Variants in CCL21 observed in about 807,000 individuals in gnomAD.
CCL21 encodes C-C motif chemokine ligand 21.
In CCL21, 12 loss-of-function variants were observed where a neutral mutation model predicts 16.4. That is an observed-to-expected ratio of 0.73 (90% confidence interval 0.47 to 1.18). CCL21 has a LOEUF of 1.18. Ranked by LOEUF, CCL21 falls within the 50% of genes most tolerant of loss-of-function variation. The pLI is 0.00. For missense variants in CCL21, 155 were observed against 163.8 expected (o/e 0.95, Z 0.29); for synonymous variants, 64 against 62.1 (o/e 1.03, Z -0.15).
chr9:34,709,277 A>T lies in CCL21; in HGVS notation c.*117T>A. The T allele has an allele frequency of 8.1e-7, 1 of 1,240,084 alleles. No homozygotes were observed. Among genetic ancestry groups the T allele is most frequent in the Non-Finnish European group, 1.2e-6 (1 of 861,810 alleles). 76.8% of individuals were successfully genotyped at this position (1,240,084 alleles called of 1,614,324 possible). ...GCAGGAGAAAGAGTGTGGCAAGGCC[A>T]GCATGGGGTGGCTGCTCCAGGGCCC... On this transcript the variant is annotated 3_prime_UTR_variant, in exon 4 of 4. Coordinates refer to ENST00000259607, the MANE Select transcript of CCL21 (RefSeq NM_002989.4).
rs568929020 is a variant in CCL21, at chr9:34,709,842, G to A, written c.123C>T (p.Pro41=). 29 of 1,614,178 alleles carry A rather than the reference G, an allele frequency of 1.8e-5. No individual in the cohort carries two copies. Among genetic ancestry groups the A allele is most frequent in the South Asian group, 1.8e-4 (16 of 91,088 alleles). The change falls in exon 2 of 4, where the codon CCC becomes CCT. Residue 41 remains proline (P), a synonymous_variant. Transcript: ENST00000259607. ...TCCGGTAGCTGCGGACAACCTTGGC[G>A]GGAATCTTCCTTTGGCTGTACTTGA... The part of the protein sequence containing the change: ...CCLKYSQRKI[P]AKVVRSYRKQ...
At chr9:34,709,478 C>G in intron 3 of CCL21, 22 bp downstream of exon 3, 2 of 1,613,874 alleles carry the variant, frequency 1.2e-6, no homozygotes, top group Non-Finnish European at 1.7e-6. Context: ...TCCCCTTTAC[C>G]CACATCCCTC....
In CCL21 at chr9:34,709,299, G is replaced by T; in HGVS notation, c.*95C>A. 1 of 1,457,840 alleles carries T rather than the reference G, an allele frequency of 6.9e-7. No homozygotes were observed. Among genetic ancestry groups the T allele is most frequent in the Non-Finnish European group, 9.4e-7 (1 of 1,058,284 alleles). The allele number at this position is 1,457,840 out of a possible 1,614,324, so 90.3% of individuals were successfully genotyped here. On this transcript the variant is annotated 3_prime_UTR_variant, in exon 4 of 4. Coordinates refer to ENST00000259607, the MANE Select transcript of CCL21 (RefSeq NM_002989.4). ...GCCAGCATGGGGTGGCTGCTCCAGGGCCCCTGAGCATAGCCTCCTTCTTGC... is the reference window on the plus strand; with the variant it reads ...GCCAGCATGGGGTGGCTGCTCCAGGTCCCCTGAGCATAGCCTCCTTCTTGC...
intron 2 of CCL21, 29 bp downstream of exon 2, chr9:34,709,748 C>A (rs1821957884): frequency 6.2e-7 from 1 of 1,613,956 alleles, no homozygotes; most frequent in African/African-American, 1.3e-5. Context: ...CCGTCACCAG[C>A]CAGTACCCAC....
Position 34,709,367 on chromosome 9 carries a change from C to T in CCL21, c.*27G>A. On this transcript the variant is annotated 3_prime_UTR_variant, in exon 4 of 4. Transcript: ENST00000259607. ...CAAGCGCTGGTGAGGCTGGTGGGGT[C>T]TCCAGGGCTCCAGGCTGCTCACTGG... 1 of 1,604,606 alleles carries T rather than the reference C, an allele frequency of 6.2e-7. No homozygotes were observed. Among genetic ancestry groups the T allele is most frequent in the Non-Finnish European group, 8.5e-7 (1 of 1,177,894 alleles).
At chr9:34,709,730 T>C (rs950241608) in intron 2 of CCL21, 47 bp downstream of exon 2, 1 of 1,613,410 alleles carries the variant, frequency 6.2e-7, no homozygotes, top group South Asian at 1.1e-5. Flanking sequence ...CACCATGCCC[T>C]CCCCACCCCG....
Position 34,709,691 on chromosome 9 carries a change from G to A in CCL21, c.189-9C>T, listed in dbSNP as rs757666416. On this transcript the variant is annotated splice_polypyrimidine_tract_variant and intron_variant, in intron 2 of 3. Coordinates refer to ENST00000259607, the MANE Select transcript of CCL21 (RefSeq NM_002989.4). ...GCTTGCGGGGCAAGAACCTGCGGGT[G>A]GGGGCTAGTAAGCCTTCTTAGTCTT... 5 of 1,613,550 alleles carry A rather than the reference G, an allele frequency of 3.1e-6. No individual in the cohort carries two copies. Among genetic ancestry groups the A allele is most frequent in the Non-Finnish European group, 4.2e-6 (5 of 1,179,706 alleles).
In CCL21 at chr9:34,709,036, A is replaced by T. The variant is rs1448405026; in HGVS notation, c.*358T>A. 1.4e-5 allele frequency: 4 copies of T among 287,730 alleles called. No homozygotes were observed. The highest frequency in any genetic ancestry group is 1.9e-5 in the Non-Finnish European group (3 of 155,814). The allele number at this position is 287,730 out of a possible 1,614,324, so 17.8% of individuals were successfully genotyped here. A position where few individuals can be genotyped will look rare whatever the true frequency, so the allele number is the denominator to read the frequency against. On this transcript the variant is annotated 3_prime_UTR_variant, in exon 4 of 4. Transcript: ENST00000259607. The stretch of plus-strand genomic sequence containing the variant: ...GGGAAGACAGAACAGCTTTTTATTC[A>T]GTTAGGTATAAATCATATTTACAAG...
chr9:34,709,836 C>G lies in CCL21; in HGVS notation c.129G>C (p.Lys43Asn), dbSNP rs969995486. Reference sequence around the variant, plus strand: ...CCTGCTTCCGGTAGCTGCGGACAACCTTGGCGGGAATCTTCCTTTGGCTGT... The same window carrying G: ...CCTGCTTCCGGTAGCTGCGGACAACGTTGGCGGGAATCTTCCTTTGGCTGT... ...LKYSQRKIPA[K>N]VVRSYRKQEP... Residue 43 changes from lysine (K) to asparagine (N), a missense_variant, in exon 2 of 4, where the codon AAG (lysine) becomes AAC (asparagine). By Grantham distance (94) the Lys-to-Asn change is moderately conservative. Coordinates refer to ENST00000259607, the MANE Select transcript of CCL21 (RefSeq NM_002989.4). The G allele has an allele frequency of 6.2e-7, 1 of 1,614,224 alleles. No individual in the cohort carries two copies. Among genetic ancestry groups the G allele is most frequent in the East Asian group, 2.2e-5 (1 of 44,886 alleles).
At position 34,709,584 on chromosome 9, in the gene CCL21, G is replaced by A; in HGVS notation, c.287C>T (p.Pro96Leu). ...LMQHLDKTPS[P>L]QKPAQGCRKD... ...CCTGCAGCCCTGGGCTGGTTTCTGT[G>A]GGGATGGTGTCTTGTCCAGATGCTG... is the stretch of plus-strand genomic sequence containing the variant. Residue 96 changes from proline to leucine, a missense_variant, in exon 3 of 4, where the codon CCA becomes CTA. Transcript: ENST00000259607. The A allele has an allele frequency of 6.2e-7, 1 of 1,614,170 alleles. No homozygotes were observed. Among genetic ancestry groups the A allele is most frequent in the Non-Finnish European group, 8.5e-7 (1 of 1,180,016 alleles).
Position 34,709,153 on chromosome 9 carries a change from C to G in CCL21, c.*241G>C, listed in dbSNP as rs1351736451. 1 of 591,472 alleles carries G rather than the reference C, an allele frequency of 1.7e-6. No homozygotes were observed. The highest frequency in any genetic ancestry group is 3.0e-6 in the Non-Finnish European group (1 of 336,736). The allele number at this position is 591,472 out of a possible 1,614,324, so 36.6% of individuals were successfully genotyped here. Reference sequence around the variant, plus strand: ...CAGTCCTGCTGCCTCCTCTCATGCTCCCTGGGAGACTCTCCCTCCTCGGTC... The same window carrying G: ...CAGTCCTGCTGCCTCCTCTCATGCTGCCTGGGAGACTCTCCCTCCTCGGTC... On this transcript the variant is annotated 3_prime_UTR_variant, in exon 4 of 4. Coordinates refer to ENST00000259607, the MANE Select transcript of CCL21 (RefSeq NM_002989.4).
chr9:34,709,541 G>A lies in CCL21; in HGVS notation c.330C>T (p.Ser110=). The change falls in exon 3 of 4, where the codon TCC becomes TCT. Residue 110 remains serine, a synonymous_variant. Coordinates refer to ENST00000259607, the MANE Select transcript of CCL21 (RefSeq NM_002989.4). ...AQGCRKDRGA[S]KTGKKGKGSK... Reference sequence around the variant, plus strand: ...AGCCCTTTCCTTTCTTGCCAGTCTTGGAGGCCCCCCTGTCCTTCCTGCAGC... The same window carrying A: ...AGCCCTTTCCTTTCTTGCCAGTCTTAGAGGCCCCCCTGTCCTTCCTGCAGC... The A allele has an allele frequency of 6.2e-7, 1 of 1,614,144 alleles. No individual in the cohort carries two copies. The highest frequency in any genetic ancestry group is 8.5e-7 in the Non-Finnish European group (1 of 1,180,012).
rs568278006 is a variant in CCL21, at chr9:34,709,167, C to T, written c.*227G>A. ...CCTCTCATGCTCCCTGGGAGACTCT[C>T]CCTCCTCGGTCTCTCTGGACCTGGC... On this transcript the variant is annotated 3_prime_UTR_variant, in exon 4 of 4. Transcript: ENST00000259607. 1 of 600,230 alleles carries T rather than the reference C, an allele frequency of 1.7e-6. No individual in the cohort carries two copies. Among genetic ancestry groups the T allele is most frequent in the Non-Finnish European group, 2.9e-6 (1 of 342,118 alleles). 37.2% of individuals were successfully genotyped at this position (600,230 alleles called of 1,614,324 possible). A position where few individuals can be genotyped will look rare whatever the true frequency, so the allele number is the denominator to read the frequency against.
At position 34,709,336 on chromosome 9, in the gene CCL21, A is replaced by G. The variant is rs1210569979; in HGVS notation, c.*58T>C. The G allele has an allele frequency of 3.6e-5, 58 of 1,593,314 alleles. No individual in the cohort carries two copies. Among genetic ancestry groups the G allele is most frequent in the Non-Finnish European group, 4.5e-5 (53 of 1,171,288 alleles). On this transcript the variant is annotated 3_prime_UTR_variant, in exon 4 of 4. Transcript: ENST00000259607. The stretch of plus-strand genomic sequence containing the variant: ...AGCCTCCTTCTTGCATCTTGGGTTC[A>G]GGCTTCAAGCGCTGGTGAGGCTGGT...
In CCL21 at chr9:34,709,358, TG is replaced by T; in HGVS notation, c.*35del. On this transcript the variant is annotated 3_prime_UTR_variant, in exon 4 of 4. Coordinates refer to ENST00000259607, the MANE Select transcript of CCL21 (RefSeq NM_002989.4). ...TTCAGGCTTCAAGCGCTGGTGAGGC[TG>T]GTGGGGTCTCCAGGGCTCCAGGCTG... The T allele has an allele frequency of 6.2e-7, 1 of 1,604,272 alleles. No homozygotes were observed. The highest frequency in any genetic ancestry group is 1.1e-5 in the South Asian group (1 of 89,936).
chr9:34,709,878 C>T lies in CCL21; in HGVS notation c.87G>A (p.Gln29=). The part of the protein sequence containing the change: ...PRTQGSDGGA[Q]DCCLKYSQRK... ...TTTGGCTGTACTTGAGGCAACAGTC[C>T]TGAGCCCCTCCATCACTGCCTGCAG... The change falls in exon 2 of 4, where the codon CAG becomes CAA. Residue 29 remains glutamine, a synonymous_variant. Transcript: ENST00000259607. 6.2e-7 allele frequency: 1 copy of T among 1,614,244 alleles called. No homozygotes were observed. Among genetic ancestry groups the T allele is most frequent in the Non-Finnish European group, 8.5e-7 (1 of 1,180,044 alleles).
rs757666416 is a variant in CCL21 at position 34,709,691 on chromosome 9, G to C, written c.189-9C>G. On this transcript the variant is annotated splice_polypyrimidine_tract_variant and intron_variant, in intron 2 of 3. Coordinates refer to ENST00000259607, the MANE Select transcript of CCL21 (RefSeq NM_002989.4). ...GCTTGCGGGGCAAGAACCTGCGGGT[G>C]GGGGCTAGTAAGCCTTCTTAGTCTT... The C allele has an allele frequency of 1.2e-6, 2 of 1,613,668 alleles. No homozygotes were observed. Among genetic ancestry groups the C allele is most frequent in the Non-Finnish European group, 1.7e-6 (2 of 1,179,698 alleles).
rs375910980 is a variant in CCL21, at chr9:34,709,686, C to T, written c.189-4G>A. 148 of 1,613,628 alleles carry T rather than the reference C, an allele frequency of 9.2e-5. 4 individuals carry two copies. The highest frequency in any genetic ancestry group is 3.5e-4 in the Admixed American group (21 of 60,000). ...AGAGCGCTTGCGGGGCAAGAACCTG[C>T]GGGTGGGGGCTAGTAAGCCTTCTTA... is the stretch of plus-strand genomic sequence containing the variant. On this transcript the variant is annotated splice_polypyrimidine_tract_variant and splice_region_variant and intron_variant, in intron 2 of 3. Transcript: ENST00000259607.
In CCL21 at chr9:34,709,402, C is replaced by T. The variant is rs1007358262; in HGVS notation, c.397G>A (p.Gly133Arg). The T allele has an allele frequency of 6.2e-7, 1 of 1,609,120 alleles. No homozygotes were observed. Among genetic ancestry groups the T allele is most frequent in the Admixed American group, 1.7e-5 (1 of 57,946 alleles). Reference sequence around the variant, plus strand: ...CCAGGCTGCTCACTGGGCTATGGCCCTTTAGGGGTCTGTGACCGCTCAGTC... The same window carrying T: ...CCAGGCTGCTCACTGGGCTATGGCCTTTTAGGGGTCTGTGACCGCTCAGTC... Reference protein sequence around the residue: ...KRTERSQTPKGP With the variant: ...KRTERSQTPKRP The change falls in exon 4 of 4, where the codon GGG becomes AGG. Residue 133 changes from glycine to arginine, a missense_variant. Physicochemically the swap from Gly to Arg is moderately radical, Grantham distance 125. Transcript: ENST00000259607.
Sources: gnomAD v4.1 joint callset for allele counts on GRCh38, gnomAD v4.1.1 for gene constraint, MANE v1.5 for transcripts, NCBI Gene and HGNC (gene_info 2026-07-23, HGNC 2026-07-21) for gene names.